Variants in SP140L observed in about 807,000 individuals in gnomAD.
The protein encoded by SP140L is nuclear body protein SP140-like protein.
In SP140L, 64 loss-of-function variants were observed where a neutral mutation model predicts 84.3. The ratio of observed to expected loss-of-function variants is 0.76; its 90% CI spans 0.62 to 0.94. The LOEUF (loss-of-function observed/expected upper bound fraction) is 0.94, where lower values mean the gene tolerates loss of function less well. Among genes scored for constraint, SP140L ranks in the 40% least tolerant of loss-of-function variants. The pLI, the probability that SP140L is intolerant of heterozygous loss-of-function variation, is 0.00. For missense variants in SP140L, 628 were observed against 692.5 expected, an observed-to-expected ratio of 0.91 and a Z score of 1.05; for synonymous variants, 242 against 236.9, an observed-to-expected ratio of 1.02 and a Z score of -0.20.
intron 2 of SP140L, among the ~76,000 whole-genome samples, chr2:230,356,621 A>G (rs1212803935): frequency 1.3e-5 from 2 of 152,206 alleles, no homozygotes; most frequent in African/African-American, 4.8e-5. Context: ...CAGGCAGTAT[A>G]TGCATTGCTC....
intron 14 of SP140L, among the ~76,000 whole-genome samples, chr2:230,397,299 T>C (rs2062095081): frequency 6.6e-6 from 1 of 152,226 alleles, no homozygotes; most frequent in South Asian, 2.1e-4. Flanking sequence ...GTTTAAGGTG[T>C]GGAGCCTGTC....
At chr2:230,346,097 T>C (rs1215870731) in intron 2 of SP140L, among the ~76,000 whole-genome samples, 1 of 152,216 alleles carries the variant, frequency 6.6e-6, no homozygotes, top group Non-Finnish European at 1.5e-5. Context: ...ACTTTTGTTT[T>C]TTTGGAAAAA....
intron 2 of SP140L, among the ~76,000 whole-genome samples, chr2:230,356,478 A>G (rs1488889689): frequency 2.0e-5 from 3 of 152,202 alleles, no homozygotes; most frequent in Non-Finnish European, 4.4e-5. Flanking sequence ...AGCCAGACAC[A>G]AAAGCATGTA....
intron 7 of SP140L, among the ~76,000 whole-genome samples, chr2:230,377,570 T>C (rs1046583958): frequency 2.6e-5 from 4 of 152,216 alleles, no homozygotes; most frequent in African/African-American, 9.6e-5. Flanking sequence ...GTGTTTCCAG[T>C]TTCAGCTATT....
intron 7 of SP140L, among the ~76,000 whole-genome samples, chr2:230,382,903 A>G (rs2061455129): frequency 6.6e-6 from 1 of 152,242 alleles, no homozygotes; most frequent in South Asian, 2.1e-4. Flanking sequence ...GGCACATCAG[A>G]CTGCAAATGG....
intron 15 of SP140L, 111 bp from the exon 16 acceptor site, chr2:230,400,844 C>T: frequency 1.3e-6 from 2 of 1,567,874 alleles, no homozygotes; most frequent in Non-Finnish European, 1.7e-6. Context: ...GTTCCCCTCC[C>T]TCCCATGACT....
chr2:230,332,724 C>T (rs956256692), intron 2 of SP140L, among the ~76,000 whole-genome samples: 2 of 152,180 alleles, frequency 1.3e-5, no homozygotes, highest in African/African-American at 4.8e-5. Context: ...TCTTCCCAGG[C>T]ACCCTGCAGA....
chr2:230,368,383 T>A (rs2060952530), intron 5 of SP140L, among the ~76,000 whole-genome samples: 1 of 152,214 alleles, frequency 6.6e-6, no homozygotes, highest in Non-Finnish European at 1.5e-5. Flanking sequence ...GCTTCTGTTC[T>A]CTTGCTGCTT....
At chr2:230,327,654 A>C (rs1271342753) in intron 1 of SP140L, among the ~76,000 whole-genome samples, 3 of 152,182 alleles carry the variant, frequency 2.0e-5, no homozygotes, top group Non-Finnish European at 4.4e-5. Context: ...TTTGTGTTTC[A>C]ACAAACATTT....
intron 2 of SP140L, among the ~76,000 whole-genome samples, chr2:230,335,458 T>C (rs2059841694): frequency 6.6e-6 from 1 of 152,232 alleles, no homozygotes; most frequent in Non-Finnish European, 1.5e-5. Flanking sequence ...CTAAGAAGCG[T>C]CTGGAAGCAG....
intron 15 of SP140L, 33 bp downstream of exon 15, chr2:230,400,275 T>C: frequency 6.2e-7 from 1 of 1,604,688 alleles, no homozygotes; most frequent in Non-Finnish European, 8.5e-7. Context: ...TCTTTCATCC[T>C]TTAAGGGACC....
intron 2 of SP140L, among the ~76,000 whole-genome samples, chr2:230,356,371 C>T (rs773108820): frequency 9.9e-5 from 15 of 152,212 alleles, no homozygotes; most frequent in South Asian, 2.1e-4. Flanking sequence ...AAAATGAGTA[C>T]GCAGACTGTG....
intron 2 of SP140L, among the ~76,000 whole-genome samples, chr2:230,343,104 A>C (rs936137489): frequency 6.7e-6 from 1 of 149,176 alleles, no homozygotes; most frequent in African/African-American, 2.5e-5. Flanking sequence ...TCAACTTTTA[A>C]GTTCAGGGGT....
intron 10 of SP140L, 108 bp downstream of exon 10, chr2:230,388,741 T>G: frequency 1.1e-6 from 1 of 876,794 alleles, no homozygotes; most frequent in East Asian, 3.0e-5. Flanking sequence ...TTTATGAAGC[T>G]ATACTAACTA....
At chr2:230,334,468 C>A (rs981711630) in intron 2 of SP140L, among the ~76,000 whole-genome samples, 1 of 152,152 alleles carries the variant, frequency 6.6e-6, no homozygotes, top group Non-Finnish European at 1.5e-5. Context: ...TGTGTTCAAC[C>A]CGCCAGGCTT....
At chr2:230,392,325 C>T in intron 12 of SP140L, 96 bp downstream of exon 12, 1 of 1,558,758 alleles carries the variant, frequency 6.4e-7, no homozygotes, top group Non-Finnish European at 8.7e-7. Flanking sequence ...TAGGTTATAG[C>T]TAAAGCCTTG....
At chr2:230,377,893 G>C (rs2061296912) in intron 7 of SP140L, among the ~76,000 whole-genome samples, 1 of 151,968 alleles carries the variant, frequency 6.6e-6, no homozygotes, top group Non-Finnish European at 1.5e-5. Flanking sequence ...CCTATTTAAG[G>C]AATCTTTTCC....
At chr2:230,381,711 T>TACACACACACACACACACACACAC (rs71052506) in intron 7 of SP140L, among the ~76,000 whole-genome samples, 3 of 147,056 alleles carry the variant, frequency 2.0e-5, no homozygotes, top group Non-Finnish European at 1.5e-5. Flanking sequence ...CCTGTCTCTC[T>TACACACACACACACACACACACAC]ACACACACAC....
chr2:230,352,536 C>T (rs1023022652), intron 2 of SP140L, among the ~76,000 whole-genome samples: 7 of 152,036 alleles, frequency 4.6e-5, no homozygotes, highest in African/African-American at 1.2e-4. Flanking sequence ...GGAATCCACC[C>T]GCATGATCCA....
Sources: allele counts gnomAD v4.1 joint callset (sites outside exome capture counted in the v4.1 genomes callset), GRCh38; gene constraint gnomAD v4.1.1; transcripts MANE v1.5; gene names NCBI Gene and HGNC (gene_info 2026-07-23, HGNC 2026-07-21).